COG3: variants seen among roughly 807,000 people sequenced by gnomAD.
COG3 encodes the protein conserved oligomeric Golgi complex subunit 3.
In COG3, 32 loss-of-function variants were observed where a neutral mutation model predicts 114.1. The observed-to-expected ratio is 0.28, with a 90% CI of 0.21 to 0.38. The LOEUF is 0.38. Among genes scored for constraint, COG3 ranks in the 10% least tolerant of loss-of-function variants. COG3 has a pLI of 1.00. For synonymous variants in COG3, 352 were observed against 365.7 expected (o/e 0.96, Z 0.43); for missense variants, 813 against 973.2 (o/e 0.84, Z 2.19).
At chr13:45,507,859 G>A (rs1870344845) in intron 14 of COG3, among the ~76,000 whole-genome samples, 1 of 149,988 alleles carries the variant, frequency 6.7e-6, no homozygotes, top group African/African-American at 2.5e-5. Flanking sequence ...CACTAGGTCA[G>A]GAGATCAAGA....
chr13:45,498,736 GT>G (rs1185265127), intron 13 of COG3, among the ~76,000 whole-genome samples: 1 of 135,162 alleles, frequency 7.4e-6, no homozygotes, highest in Non-Finnish European at 1.6e-5. Context: ...GATTACAGTT[GT>G]TTTGTAATAA....
intron 14 of COG3, among the ~76,000 whole-genome samples, chr13:45,504,216 T>C (rs1869867501): frequency 6.6e-6 from 1 of 152,146 alleles, no homozygotes. Context: ...GTATTCTGAG[T>C]CTACTCTATA....
intron 22 of COG3, chr13:45,531,024 G>A: frequency 1.8e-6 from 2 of 1,099,218 alleles, no homozygotes; most frequent in Non-Finnish European, 2.2e-6. Context: ...GAATATTGCT[G>A]TGTTTAAGAG....
intron 12 of COG3, among the ~76,000 whole-genome samples, chr13:45,495,361 A>G (rs1868639542): frequency 6.6e-6 from 1 of 151,818 alleles, no homozygotes; most frequent in Non-Finnish European, 1.5e-5. Flanking sequence ...GTGTCTTAAC[A>G]TTGATGGCAT....
At position 45,529,465 on chromosome 13, in the gene COG3, C is replaced by CT. The variant is rs11286727; in HGVS notation, c.2231-314dup. Among the ~76,000 whole-genome samples, 59 of 146,674 alleles carry CT rather than the reference C, an allele frequency of 4.0e-4. No individual in the cohort carries two copies. The Middle Eastern group carries it at 0.011, about 26-fold the overall frequency. The stretch of plus-strand genomic sequence containing the variant: ...CTTACTAGTGTCTCTCTGAAAATGA[C>CT]TTTTTTTTTTTTAACTTTAATCTCT... On this transcript the variant is annotated intron_variant, in intron 20 of 22. Coordinates refer to ENST00000349995, the MANE Select transcript of COG3 (RefSeq NM_031431.4).
At chr13:45,525,624 AG>A (rs1872590540) in intron 20 of COG3, among the ~76,000 whole-genome samples, 1 of 38,322 alleles carries the variant, frequency 2.6e-5, no homozygotes, top group Non-Finnish European at 5.3e-5. Flanking sequence ...TTTGTGCTGG[AG>A]GGCTTTGGGT....
chr13:45,503,591 G>A (rs1869781822), intron 14 of COG3, among the ~76,000 whole-genome samples: 1 of 152,198 alleles, frequency 6.6e-6, no homozygotes, highest in Non-Finnish European at 1.5e-5. Context: ...TGAGCTCTGA[G>A]TGTGGGAAGG....
intron 17 of COG3, 31 bp from the exon 18 acceptor site, chr13:45,518,731 T>C: frequency 6.5e-7 from 1 of 1,537,566 alleles, no homozygotes; most frequent in Non-Finnish European, 9.0e-7. Flanking sequence ...AAACTTTACA[T>C]GTTCACTGGA....
chr13:45,533,803 C>G (rs897423074), intron 22 of COG3, among the ~76,000 whole-genome samples: 1 of 152,242 alleles, frequency 6.6e-6, no homozygotes, highest in Non-Finnish European at 1.5e-5. Flanking sequence ...CAGACTGTCT[C>G]TCCATTTGGT....
At chr13:45,474,485 C>T (rs966197234) in intron 1 of COG3, among the ~76,000 whole-genome samples, 1 of 151,990 alleles carries the variant, frequency 6.6e-6, no homozygotes, top group Non-Finnish European at 1.5e-5. Context: ...CTTATAGTAA[C>T]GTTATGATAC....
chr13:45,519,060 T>C lies in COG3; in HGVS notation c.2120T>C (p.Leu707Pro), dbSNP rs779589226. ...CEQFIQQQTK[L>P]FVEQLEEFMT... ...CAGTTTATTCAGCAGCAGACCAAGC[T>C]GTTTGTAGAACAGCTGGAGGAGTTC... Residue 707 changes from leucine (L) to proline (P), a missense_variant, in exon 19 of 23, where the codon CTG becomes CCG. By Grantham distance (98) the Leu-to-Pro change is moderately conservative. Coordinates refer to ENST00000349995, the MANE Select transcript of COG3 (RefSeq NM_031431.4). 1 of 1,614,228 alleles carries C rather than the reference T, an allele frequency of 6.2e-7. No homozygotes were observed. The highest frequency in any genetic ancestry group is 8.5e-7 in the Non-Finnish European group (1 of 1,180,028).
intron 20 of COG3, among the ~76,000 whole-genome samples, chr13:45,528,349 A>T (rs1310701117): frequency 6.6e-6 from 1 of 152,028 alleles, no homozygotes; most frequent in Non-Finnish European, 1.5e-5. Context: ...TTTGCTTTAT[A>T]CTGTGGACTC....
chr13:45,486,226 G>C (rs1386431398), intron 7 of COG3, among the ~76,000 whole-genome samples: 1 of 145,266 alleles, frequency 6.9e-6, no homozygotes, highest in Non-Finnish European at 1.5e-5. Flanking sequence ...AGGCAGGGAG[G>C]TTGCAGTGAG....
chr13:45,477,937 A>G lies in COG3; in HGVS notation c.322-1068A>G, dbSNP rs1295425771. On this transcript the variant is annotated intron_variant, in intron 2 of 22. Transcript: ENST00000349995. ...TACCATTCCCGGCCCCACAGTCCAT[A>G]TTCTTAAACCACTCTGTAATATTAT... Among the ~76,000 whole-genome samples, 5 of 151,994 alleles carry G rather than the reference A, an allele frequency of 3.3e-5. No homozygotes were observed. In the South Asian group the frequency reaches 6.2e-4, roughly 19 times the overall value.
Position 45,472,235 on chromosome 13 carries a change from C to T in COG3, c.175-3966C>T, listed in dbSNP as rs577240410. Among the ~76,000 whole-genome samples, 13 of 152,218 alleles carry T rather than the reference C, an allele frequency of 8.5e-5. 1 individual carries two copies. The South Asian group carries it at 2.7e-3, about 32-fold the overall frequency. On this transcript the variant is annotated intron_variant, in intron 1 of 22. Coordinates refer to ENST00000349995, the MANE Select transcript of COG3 (RefSeq NM_031431.4). The stretch of plus-strand genomic sequence containing the variant: ...CTGTATAGAATATGTCTTTTTCCCT[C>T]TGGCTGCCTTCAAGCTTTTATCTTT...
At chr13:45,530,889 T>C (rs1873114660) in intron 22 of COG3, 109 bp downstream of exon 22, 2 of 1,354,888 alleles carry the variant, frequency 1.5e-6, no homozygotes, top group Non-Finnish European at 1.9e-6. Flanking sequence ...TTAAAAAATA[T>C]TACCTTCTTT....
At chr13:45,474,257 A>G (rs1239718374) in intron 1 of COG3, among the ~76,000 whole-genome samples, 2 of 142,886 alleles carry the variant, frequency 1.4e-5, no homozygotes, top group African/African-American at 2.7e-5. Flanking sequence ...TCCCGGGTTC[A>G]TGCCATTCTC....
intron 16 of COG3, 183 bp downstream of exon 16, chr13:45,512,037 A>G (rs937797149): frequency 1.3e-5 from 7 of 528,724 alleles, no homozygotes; most frequent in Middle Eastern, 5.1e-4. Flanking sequence ...ACTGTACTAT[A>G]TAAGAGAGTC....
intron 12 of COG3, among the ~76,000 whole-genome samples, chr13:45,494,839 T>G (rs1199119865): frequency 1.4e-5 from 2 of 146,162 alleles, no homozygotes; most frequent in Admixed American, 1.4e-4. Flanking sequence ...ATTAATGTGA[T>G]TTTTTTTTTC....
Sources: gnomAD v4.1 joint callset for allele counts (sites outside exome capture counted in the v4.1 genomes callset) on GRCh38, gnomAD v4.1.1 for gene constraint, MANE v1.5 for transcripts, NCBI Gene and HGNC (gene_info 2026-07-23, HGNC 2026-07-21) for gene names.